Variants in ANKRD13C observed in about 807,000 individuals in gnomAD.
The protein encoded by ANKRD13C is ankyrin repeat domain-containing protein 13C.
Under a neutral mutation model 65.5 loss-of-function variants are expected in ANKRD13C, and 16 were observed. The ratio of observed to expected loss-of-function variants is 0.24; its 90% CI spans 0.17 to 0.37. The LOEUF (loss-of-function observed/expected upper bound fraction) is 0.37. ANKRD13C is among the 10% of genes least tolerant of loss of function. The pLI, the probability that ANKRD13C is intolerant of heterozygous loss-of-function variation, is 1.00. For missense variants in ANKRD13C, 503 were observed against 655.9 expected, an observed-to-expected ratio of 0.77 and a Z score of 2.55; for synonymous variants, 235 against 238.7, an observed-to-expected ratio of 0.98 and a Z score of 0.14.
At chr1:70,289,181 T>C (rs894338116) in intron 9 of ANKRD13C, among the ~76,000 whole-genome samples, 18 of 152,342 alleles carry the variant, frequency 1.2e-4, no homozygotes, top group Non-Finnish European at 2.2e-4. Flanking sequence ...CTTAATTATT[T>C]AATTTAAGTA....
At chr1:70,319,907 A>T (rs1363682545) in intron 3 of ANKRD13C, among the ~76,000 whole-genome samples, 2 of 151,952 alleles carry the variant, frequency 1.3e-5, no homozygotes, top group African/African-American at 4.8e-5. Context: ...TTAATGGCAC[A>T]TCCTGACTAT....
At chr1:70,327,164 T>C (rs1558303573) in intron 2 of ANKRD13C, among the ~76,000 whole-genome samples, 1 of 152,194 alleles carries the variant, frequency 6.6e-6, no homozygotes, top group African/African-American at 2.4e-5. Flanking sequence ...ACAATGGATA[T>C]ATTTGAAGAT....
rs919893712 is a variant in ANKRD13C, at chr1:70,348,892, C to A, written c.430+5087G>T. Among the ~76,000 whole-genome samples, 4 of 152,236 alleles carry A rather than the reference C, an allele frequency of 2.6e-5. No individual in the cohort carries two copies. In the South Asian group the frequency reaches 8.3e-4, roughly 32 times the overall value. The stretch of plus-strand genomic sequence containing the variant: ...TGTAATTAAAGGCAGGAGAAACTGC[C>A]AAATTTCTCAGAATAAATCAGAAAT... On this transcript the variant is annotated intron_variant, in intron 1 of 12. Transcript: ENST00000370944.
intron 2 of ANKRD13C, among the ~76,000 whole-genome samples, chr1:70,332,797 C>T (rs1159303623): frequency 6.6e-6 from 1 of 152,004 alleles, no homozygotes; most frequent in East Asian, 1.9e-4. Context: ...TGATATAAAC[C>T]GATGATGAAG....
intron 12 of ANKRD13C, among the ~76,000 whole-genome samples, chr1:70,265,086 C>A (rs1678554679): frequency 6.6e-6 from 1 of 152,070 alleles, no homozygotes; most frequent in Non-Finnish European, 1.5e-5. Flanking sequence ...AAATAGGCTG[C>A]CAGATCAGGT....
chr1:70,276,828 G>C lies in ANKRD13C; in HGVS notation c.1232C>G (p.Ser411Cys), dbSNP rs1679157186. The change falls in exon 10 of 13, where the codon TCT becomes TGT. Residue 411 changes from serine to cysteine, a missense_variant. Coordinates refer to ENST00000370944, the MANE Select transcript of ANKRD13C (RefSeq NM_030816.5). ...AGTGTTCTGAGGAGGAGGTGTAAGAGACTGTCTTCGAATCGGCTGCCAAAA... is the reference window on the plus strand; with the variant it reads ...AGTGTTCTGAGGAGGAGGTGTAAGACACTGTCTTCGAATCGGCTGCCAAAA... ...EQNFEPIRRQ[S>C]LTPPPQNTIT... 1 of 1,598,460 alleles carries C rather than the reference G, an allele frequency of 6.3e-7. No homozygotes were observed. The highest frequency in any genetic ancestry group is 8.5e-7 in the Non-Finnish European group (1 of 1,175,588).
chr1:70,320,362 T>A (rs1681253579), intron 3 of ANKRD13C, among the ~76,000 whole-genome samples: 1 of 151,922 alleles, frequency 6.6e-6, no homozygotes, highest in African/African-American at 2.4e-5. Flanking sequence ...AGGGTCTCAC[T>A]TTGTCCCAGG....
At chr1:70,286,305 CA>C (rs1255868418) in intron 9 of ANKRD13C, among the ~76,000 whole-genome samples, 1 of 152,008 alleles carries the variant, frequency 6.6e-6, no homozygotes, top group East Asian at 1.9e-4. Flanking sequence ...TCCTCCTTAT[CA>C]AAAGTCCAAA....
intron 2 of ANKRD13C, among the ~76,000 whole-genome samples, chr1:70,332,946 T>G (rs2101578352): frequency 6.6e-6 from 1 of 152,294 alleles, no homozygotes; most frequent in South Asian, 2.1e-4. Flanking sequence ...AAATCCATAT[T>G]AACTACTAAA....
intron 6 of ANKRD13C, among the ~76,000 whole-genome samples, chr1:70,303,819 A>G (rs1680476510): frequency 6.6e-6 from 1 of 152,186 alleles, no homozygotes; most frequent in African/African-American, 2.4e-5. Context: ...GATTCTCATC[A>G]CCTAGGCAAA....
At chr1:70,324,999 T>C in intron 2 of ANKRD13C, 42 bp from the exon 3 acceptor site, 8 of 1,371,390 alleles carry the variant, frequency 5.8e-6, no homozygotes, top group Non-Finnish European at 8.2e-6. Context: ...TCATGCAATT[T>C]TTAGAATCTC....
rs1678324635 is a variant in ANKRD13C, at chr1:70,259,444, C to G, written c.*3273G>C. Among the ~76,000 whole-genome samples, 1 of 152,064 alleles carries G rather than the reference C, an allele frequency of 6.6e-6. No homozygotes were observed. Among genetic ancestry groups the G allele is most frequent in the South Asian group, 2.1e-4 (1 of 4,828 alleles). On this transcript the variant is annotated 3_prime_UTR_variant, in exon 13 of 13. Coordinates refer to ENST00000370944, the MANE Select transcript of ANKRD13C (RefSeq NM_030816.5). ...TACCATTATGACTGAAAGTATTACT[C>G]TTCTAAAATGAACTGTAACAATTAA...
At chr1:70,311,692 T>C (rs1281908747) in intron 5 of ANKRD13C, among the ~76,000 whole-genome samples, 4 of 152,186 alleles carry the variant, frequency 2.6e-5, no homozygotes, top group Non-Finnish European at 4.4e-5. Context: ...TGATTAATTT[T>C]CTATAATGTT....
intron 7 of ANKRD13C, 129 bp downstream of exon 7, chr1:70,300,635 C>A (rs1206884887): frequency 2.5e-6 from 2 of 815,204 alleles, no homozygotes; most frequent in African/African-American, 1.8e-5. Context: ...GGTCAGGAAA[C>A]TATAGCTTTA....
chr1:70,293,853 A>G (rs535076677), intron 8 of ANKRD13C, among the ~76,000 whole-genome samples: 1 of 152,338 alleles, frequency 6.6e-6, no homozygotes, highest in East Asian at 1.9e-4. Context: ...TTATCATATC[A>G]ACAAAATGTT....
At chr1:70,298,616 T>A (rs780910503) in intron 7 of ANKRD13C, among the ~76,000 whole-genome samples, 5 of 152,192 alleles carry the variant, frequency 3.3e-5, no homozygotes, top group Admixed American at 6.5e-5. Context: ...TAGCCTTAAC[T>A]TCTAGCTTCT....
chr1:70,307,958 G>GA (rs1276336006), intron 5 of ANKRD13C, among the ~76,000 whole-genome samples: 4 of 151,100 alleles, frequency 2.6e-5, no homozygotes, highest in Non-Finnish European at 5.9e-5. Context: ...CTTTGAAAAA[G>GA]AAAAAAAGAA....
rs896610827 is a variant in ANKRD13C, at chr1:70,259,987, G to T, written c.*2730C>A. Among the ~76,000 whole-genome samples, 1 of 152,152 alleles carries T rather than the reference G, an allele frequency of 6.6e-6. No individual in the cohort carries two copies. The highest frequency in any genetic ancestry group is 6.5e-5 in the Admixed American group (1 of 15,272). ...CTGCAGACTTAGGGAAAACTAGGAA[G>T]AGGGCTCATTAAATAATCATTATTC... is the stretch of plus-strand genomic sequence containing the variant. On this transcript the variant is annotated 3_prime_UTR_variant, in exon 13 of 13. Coordinates refer to ENST00000370944, the MANE Select transcript of ANKRD13C (RefSeq NM_030816.5).
chr1:70,328,644 A>G (rs1272659911), intron 2 of ANKRD13C, among the ~76,000 whole-genome samples: 1 of 152,232 alleles, frequency 6.6e-6, no homozygotes, highest in African/African-American at 2.4e-5. Flanking sequence ...CCTGGGCAAC[A>G]GAGAGAGACT....
Sources: gnomAD v4.1 joint callset for allele counts (sites outside exome capture counted in the v4.1 genomes callset) on GRCh38, gnomAD v4.1.1 for gene constraint, MANE v1.5 for transcripts, NCBI Gene and HGNC (gene_info 2026-07-23, HGNC 2026-07-21) for gene names.